The following NLRC3 variants were observed in gnomAD, a reference collection of about 807,000 sequenced individuals.
NLRC3 encodes the protein NLR family CARD domain containing 3, also known as NLR family CARD domain-containing protein 3.
A neutral mutation model predicts 91.6 loss-of-function variants in NLRC3; 87 were observed. The ratio of observed to expected loss-of-function variants is 0.95; its 90% CI spans 0.80 to 1.14. The LOEUF (loss-of-function observed/expected upper bound fraction) is 1.14. NLRC3 is among the 50% of genes most tolerant of loss of function. The pLI, the probability that NLRC3 is intolerant of heterozygous loss-of-function variation, is 0.00. For missense variants in NLRC3, 1,577 were observed against 1,418.6 expected, an observed-to-expected ratio of 1.11 and a Z score of -1.79; for synonymous variants, 694 against 625.3, an observed-to-expected ratio of 1.11 and a Z score of -1.64.
intron 15 of NLRC3, 104 bp from the exon 16 acceptor site, chr16:3,544,433 A>G (rs2038580804): frequency 8.0e-6 from 6 of 752,748 alleles, no homozygotes; most frequent in Admixed American, 2.0e-5. Context: ...TACACACACC[A>G]TAGACACTCC....
At position 3,570,198 on chromosome 16, in the gene NLRC3, T is replaced by A. The variant is rs1596493627; in HGVS notation, c.-168-2874A>T. Among the ~76,000 whole-genome samples, 3 of 152,220 alleles carry A rather than the reference T, an allele frequency of 2.0e-5. No homozygotes were observed. The Middle Eastern group carries it at 0.01, about 518-fold the overall frequency. ...TTTTTTGAGACAGAGTCTCAACTCCTGACCTCAAGTGATCCACCCACCTCA... is the reference window on the plus strand; with the variant it reads ...TTTTTTGAGACAGAGTCTCAACTCCAGACCTCAAGTGATCCACCCACCTCA... On this transcript the variant is annotated intron_variant, in intron 1 of 19. Coordinates refer to ENST00000359128, the MANE Select transcript of NLRC3 (RefSeq NM_178844.4).
Position 3,550,633 on chromosome 16 carries a change from C to T in NLRC3, c.2352-136G>A, listed in dbSNP as rs938643981. Reference sequence around the variant, plus strand: ...AAGGGTGGCCAGTGCACAGTTTGTTCTGCCTGAGGCCTGTTGGCTGTAGTC... The same window carrying T: ...AAGGGTGGCCAGTGCACAGTTTGTTTTGCCTGAGGCCTGTTGGCTGTAGTC... On this transcript the variant is annotated intron_variant, in intron 10 of 19. Coordinates refer to ENST00000359128, the MANE Select transcript of NLRC3 (RefSeq NM_178844.4). 30 of 644,902 alleles carry T rather than the reference C, an allele frequency of 4.7e-5. No individual in the cohort carries two copies. In the African/African-American group the frequency reaches 5.3e-4, roughly 11 times the overall value. The allele number at this position is 644,902 out of a possible 1,614,324, so 39.9% of individuals were successfully genotyped here.
Position 3,548,144 on chromosome 16 carries a change from G to A in NLRC3, c.2762C>T (p.Thr921Ile). Reference protein sequence around the residue: ...GQALQLNRSLTSLDLQENAIG... With the variant: ...GQALQLNRSLISLDLQENAIG... ...GGGCAGGCCAACTTACTCTAAGCTG[G>A]TGAGGCTCCTGTTGAGCTGTAGTGC... Residue 921 changes from threonine (T) to isoleucine (I), a missense_variant, in exon 15 of 20, where the codon ACC (threonine) becomes ATC (isoleucine). By Grantham distance (89) the Thr-to-Ile change is moderately conservative (BLOSUM62 -1). Coordinates refer to ENST00000359128, the MANE Select transcript of NLRC3 (RefSeq NM_178844.4). 1 of 1,586,292 alleles carries A rather than the reference G, an allele frequency of 6.3e-7. No homozygotes were observed. Among genetic ancestry groups the A allele is most frequent in the Admixed American group, 1.8e-5 (1 of 55,912 alleles).
Position 3,564,376 on chromosome 16 carries a change from C to T in NLRC3, c.561G>A (p.Lys187=). ...LTFRDLNTHE[K]LCADRLICSV... is the part of the protein sequence containing the mutation. ...AGCAGATGAGTCGGTCGGCACACAG[C>T]TTCTCGTGGGTGTTGAGATCCCGGA... Residue 187 remains lysine, a synonymous_variant, in exon 5 of 20, where the codon AAG becomes AAA. Coordinates refer to ENST00000359128, the MANE Select transcript of NLRC3 (RefSeq NM_178844.4). The surrounding 1 kb of genome is among the most constrained non-coding windows in gnomAD (Gnocchi z 5.9). The T allele has an allele frequency of 6.2e-7, 1 of 1,612,510 alleles. No homozygotes were observed. The highest frequency in any genetic ancestry group is 8.5e-7 in the Non-Finnish European group (1 of 1,179,866).
At chr16:3,557,501 G>A (rs2039399779) in intron 7 of NLRC3, 92 bp downstream of exon 7, 1 of 743,372 alleles carries the variant, frequency 1.3e-6, no homozygotes, top group African/African-American at 1.7e-5. Flanking sequence ...TAAGACCCAA[G>A]TCATTTCCTA....
chr16:3,548,556 G>C, intron 14 of NLRC3, 114 bp downstream of exon 14: 1 of 790,332 alleles, frequency 1.3e-6, no homozygotes, highest in Non-Finnish European at 2.1e-6. Flanking sequence ...CAGCCCCTGA[G>C]ACCTTTGCAG....
intron 6 of NLRC3, 87 bp downstream of exon 6, chr16:3,561,614 CT>C: frequency 1.1e-6 from 1 of 909,168 alleles, no homozygotes; most frequent in Non-Finnish European, 1.8e-6. Flanking sequence ...GGCAGCGCCG[CT>C]GGCCAGCTGA....
rs79062652 is a variant in NLRC3 at position 3,572,248 on chromosome 16, G to A, written c.-169+4901C>T. Among the ~76,000 whole-genome samples, 538 of 151,814 alleles carry A rather than the reference G, an allele frequency of 3.5e-3. 2 individuals carry two copies. The highest frequency in any genetic ancestry group is 0.012 in the African/African-American group (513 of 41,434). On this transcript the variant is annotated intron_variant, in intron 1 of 19. Transcript: ENST00000359128. The stretch of plus-strand genomic sequence containing the variant: ...ACTATCATTTTTCATACGTCTCATT[G>A]GTGAATATTATAACATAACAGACTG...
intron 12 of NLRC3, 34 bp downstream of exon 12, chr16:3,549,663 A>T: frequency 6.7e-7 from 1 of 1,485,340 alleles, no homozygotes; most frequent in Non-Finnish European, 9.2e-7. Flanking sequence ...TCGTCAAAGA[A>T]ACGCCCTGTT....
chr16:3,572,188 T>G (rs989817711), intron 1 of NLRC3, among the ~76,000 whole-genome samples: 2 of 152,140 alleles, frequency 1.3e-5, no homozygotes, highest in East Asian at 3.8e-4. Context: ...AGATGCTCAG[T>G]GTCACTAAGG....
In NLRC3 at chr16:3,563,995, G is replaced by A. The variant is rs1456179534; in HGVS notation, c.942C>T (p.Ser314=). The A allele has an allele frequency of 1.9e-6, 3 of 1,607,346 alleles. No homozygotes were observed. In the African/African-American group the frequency reaches 4.0e-5, roughly 21 times the overall value. ...ACAGGGCCCTGTCAGCCTGCACTTG[G>A]CTCAGCATCCAGCCCAGAAGGGCCT... ...EDQALLGWML[S]QVQADRALYL... Residue 314 remains serine (S), a synonymous_variant, in exon 5 of 20, where the codon AGC becomes AGT. Coordinates refer to ENST00000359128, the MANE Select transcript of NLRC3 (RefSeq NM_178844.4).
chr16:3,552,147 A>AT (rs771111518), intron 10 of NLRC3, 49 bp downstream of exon 10: 1 of 1,129,320 alleles, frequency 8.9e-7, no homozygotes, highest in Admixed American at 1.7e-5. Context: ...TGGGTTGGGC[A>AT]TTGTGCTGGG....
At chr16:3,574,007 C>CTTTTTTTTTTTTTTT (rs35126359) in intron 1 of NLRC3, among the ~76,000 whole-genome samples, 3 of 40,400 alleles carry the variant, frequency 7.4e-5, no homozygotes, top group Non-Finnish European at 1.3e-4. Flanking sequence ...ACCATTTTAT[C>CTTTTTTTTTTTTTTT]TTTTTTTTTT....
In NLRC3 at chr16:3,563,896, C is replaced by A; in HGVS notation, c.1041G>T (p.Thr347=). The A allele has an allele frequency of 6.3e-7, 1 of 1,595,378 alleles. No homozygotes were observed. Among genetic ancestry groups the A allele is most frequent in the Non-Finnish European group, 8.5e-7 (1 of 1,171,636 alleles). Residue 347 remains threonine (T), a synonymous_variant, in exon 5 of 20, where the codon ACG becomes ACT. Coordinates refer to ENST00000359128, the MANE Select transcript of NLRC3 (RefSeq NM_178844.4). The part of the protein sequence containing the change: ...MALGHLWRSR[T]GPQDAELWPP... ...GCCACAGCTCTGCATCCTGGGGCCC[C>A]GTCCTGCTGCGCCACAGGTGGCCTA...
chr16:3,542,737 G>T lies in NLRC3; in HGVS notation c.2978C>A (p.Ala993Asp), dbSNP rs1472275440. 6.2e-7 allele frequency: 1 copy of T among 1,610,504 alleles called. No individual in the cohort carries two copies. Among genetic ancestry groups the T allele is most frequent in the South Asian group, 1.1e-5 (1 of 90,216 alleles). ...GTTTACCTTCAGAGCATTTGCCAGG[G>T]CTTTGGCTCCAGCCACCCCAATGGC... ...GNAIGVAGAK[A>D]LANALKVNSS... The change falls in exon 18 of 20, where the codon GCC (alanine) becomes GAC (aspartate). Residue 993 changes from alanine to aspartate, a missense_variant. Transcript: ENST00000359128.
chr16:3,569,390 A>AT (rs1175157473), intron 1 of NLRC3, among the ~76,000 whole-genome samples: 21 of 97,410 alleles, frequency 2.2e-4, no homozygotes, highest in African/African-American at 4.2e-4. Flanking sequence ...ATATATATAT[A>AT]TATATTATTT....
chr16:3,569,769 G>A (rs1024644579), intron 1 of NLRC3, among the ~76,000 whole-genome samples: 1 of 152,084 alleles, frequency 6.6e-6, no homozygotes, highest in Non-Finnish European at 1.5e-5. Context: ...GGAGCAATAA[G>A]GTTGTTGCAG....
chr16:3,548,710 C>T lies in NLRC3; in HGVS notation c.2647G>A (p.Ala883Thr), dbSNP rs769244221. 1.3e-5 allele frequency: 21 copies of T among 1,603,032 alleles called. No individual in the cohort carries two copies. Among genetic ancestry groups the T allele is most frequent in the East Asian group, 9.0e-5 (4 of 44,558 alleles). Residue 883 changes from alanine (A) to threonine (T), a missense_variant, in exon 14 of 20, where the codon GCA becomes ACA. Physicochemically the swap from Ala to Thr is moderately conservative, Grantham distance 58 (BLOSUM62 0). Transcript: ENST00000359128. Reference protein sequence around the residue: ...LLHDQGARAIAVAVRENRTLT... With the variant: ...LLHDQGARAITVAVRENRTLT... ...GTGCGGTTTTCTCTCACTGCCACTG[C>T]GATGGCCCGGGCACCCTGGTCGTGG...
chr16:3,556,480 G>A (rs1166971922), intron 8 of NLRC3, among the ~76,000 whole-genome samples: 1 of 152,008 alleles, frequency 6.6e-6, no homozygotes, highest in Middle Eastern at 3.2e-3. Context: ...CCAATGGGAT[G>A]GGAGCCAGTA....
Sources: allele counts gnomAD v4.1 joint callset (sites outside exome capture counted in the v4.1 genomes callset), GRCh38; gene constraint gnomAD v4.1.1; non-coding constraint Gnocchi (gnomAD v3.1); transcripts MANE v1.5; gene names NCBI Gene and HGNC (gene_info 2026-07-23, HGNC 2026-07-21).